The following IL10RA variants were observed in gnomAD, a reference collection of about 807,000 sequenced individuals.
IL10RA encodes interleukin-10 receptor subunit alpha.
IL10RA carries 18 observed loss-of-function variants against 29.6 expected under a neutral mutation model. The ratio of observed to expected loss-of-function variants is 0.61; its 90% CI spans 0.42 to 0.90. The LOEUF (loss-of-function observed/expected upper bound fraction) is 0.90. IL10RA is among the 40% of genes least tolerant of loss of function. The pLI is 0.00. For missense variants in IL10RA, 634 were observed against 716.6 expected, an observed-to-expected ratio of 0.88 and a Z score of 1.32; for synonymous variants, 292 against 294.1, an observed-to-expected ratio of 0.99 and a Z score of 0.07.
chr11:117,999,423 G>T lies in IL10RA; in HGVS notation c.1519G>T (p.Ala507Ser). The stretch of plus-strand genomic sequence containing the variant: ...ACAGGATCCTCTAGAAATGACTCTG[G>T]CTTCCTCAGGGGCCCCAACGGGACA... ...LKQDPLEMTL[A>S]SSGAPTGQWN... Residue 507 changes from alanine (A) to serine (S), a missense_variant, in exon 7 of 7, where the codon GCT becomes TCT. Transcript: ENST00000227752. The T allele has an allele frequency of 6.2e-7, 1 of 1,614,218 alleles. No individual in the cohort carries two copies. The highest frequency in any genetic ancestry group is 8.5e-7 in the Non-Finnish European group (1 of 1,180,034).
rs1250336959 is a variant in IL10RA, at chr11:117,999,783, C to T, written c.*142C>T. ...CCACTGGGGCTGGCCCCAGCCAGGC[C>T]CTGCAGGGCTGGTCAGGGTGTCTGG... On this transcript the variant is annotated 3_prime_UTR_variant, in exon 7 of 7. Coordinates refer to ENST00000227752, the MANE Select transcript of IL10RA (RefSeq NM_001558.4). The T allele has an allele frequency of 3.9e-6, 3 of 770,602 alleles. No individual in the cohort carries two copies. Among genetic ancestry groups the T allele is most frequent in the East Asian group, 5.3e-5 (2 of 37,742 alleles). The allele number at this position is 770,602 out of a possible 1,614,324, so 47.7% of individuals were successfully genotyped here.
chr11:117,989,521 C>A lies in IL10RA; in HGVS notation c.268C>A (p.Leu90Met), dbSNP rs1280106569. 6.2e-7 allele frequency: 1 copy of A among 1,614,092 alleles called. No homozygotes were observed. Among genetic ancestry groups the A allele is most frequent in the South Asian group, 1.1e-5 (1 of 91,088 alleles). ...SYDLTAVTLD[L>M]YHSNGYRARV... Reference sequence around the variant, plus strand: ...TGACCTTACCGCAGTGACCTTGGACCTGTACCACAGCAATGGCTACCGGGC... The same window carrying A: ...TGACCTTACCGCAGTGACCTTGGACATGTACCACAGCAATGGCTACCGGGC... Residue 90 changes from leucine to methionine, a missense_variant, in exon 3 of 7, where the codon CTG (leucine) becomes ATG (methionine). Transcript: ENST00000227752. This position sits in a 1 kb window ranked among gnomAD's most constrained non-coding sequence, Gnocchi z 4.5.
rs993951130 is a variant in IL10RA at position 118,000,123 on chromosome 11, T to C, written c.*482T>C. ...CTTCAGGGCCTTGCTGCTGGGGTCA[T>C]TTTTAGGGGAAAAAGGAGGATATGA... On this transcript the variant is annotated 3_prime_UTR_variant, in exon 7 of 7. Transcript: ENST00000227752. The C allele has an allele frequency of 2.2e-6, 1 of 455,050 alleles. No homozygotes were observed. Among genetic ancestry groups the C allele is most frequent in the Non-Finnish European group, 4.4e-6 (1 of 227,694 alleles). The allele number at this position is 455,050 out of a possible 1,614,324, so 28.2% of individuals were successfully genotyped here. A position where few individuals can be genotyped will look rare whatever the true frequency, so the allele number is the denominator to read the frequency against.
At chr11:117,992,684 G>C (rs1246887706) in intron 3 of IL10RA, among the ~76,000 whole-genome samples, 1 of 152,170 alleles carries the variant, frequency 6.6e-6, no homozygotes, top group Non-Finnish European at 1.5e-5. Flanking sequence ...CTGTGCAGAA[G>C]CTCTTTAGTG....
chr11:117,993,040 C>A lies in IL10RA; in HGVS notation c.368-201C>A, dbSNP rs559158702. ...GTCCATCATATTCCATTGGTTGATG[C>A]ATCTGATTTTAGGGTATATGTATTT... On this transcript the variant is annotated intron_variant, in intron 3 of 6. Coordinates refer to ENST00000227752, the MANE Select transcript of IL10RA (RefSeq NM_001558.4). 35 of 586,936 alleles carry A rather than the reference C, an allele frequency of 6.0e-5. No homozygotes were observed. The African/African-American group carries it at 6.5e-4, about 11-fold the overall frequency. The allele number at this position is 586,936 out of a possible 1,614,324, so 36.4% of individuals were successfully genotyped here.
At position 117,988,371 on chromosome 11, in the gene IL10RA, C is replaced by G. The variant is rs1227482523; in HGVS notation, c.68-11C>G. 1 of 1,614,016 alleles carries G rather than the reference C, an allele frequency of 6.2e-7. No homozygotes were observed. Among genetic ancestry groups the G allele is most frequent in the East Asian group, 2.2e-5 (1 of 44,892 alleles). On this transcript the variant is annotated splice_polypyrimidine_tract_variant and intron_variant, in intron 1 of 6. Coordinates refer to ENST00000227752, the MANE Select transcript of IL10RA (RefSeq NM_001558.4). Reference sequence around the variant, plus strand: ...CCCTCCCAGCTGTGGTACTGACACTCTTCTCCCCAGGGACAGAGCTGCCCA... The same window carrying G: ...CCCTCCCAGCTGTGGTACTGACACTGTTCTCCCCAGGGACAGAGCTGCCCA...
intron 3 of IL10RA, 37 bp from the exon 4 acceptor site, chr11:117,993,204 G>A (rs2058034648): frequency 6.2e-7 from 1 of 1,602,724 alleles, no homozygotes; most frequent in South Asian, 1.1e-5. Flanking sequence ...CAGCCCTCAA[G>A]TCTCATGGTA....
At position 117,986,398 on chromosome 11, in the gene IL10RA, C is replaced by T. The variant is rs185159635; in HGVS notation, c.-70C>T. The stretch of plus-strand genomic sequence containing the variant: ...GGAGCGGGCGGCGGAGCTGTCAGTC[C>T]CAGCCCAAGGGTAGCTGGAGGCGCG... On this transcript the variant is annotated 5_prime_UTR_variant, in exon 1 of 7. Transcript: ENST00000227752. 550 of 1,460,996 alleles carry T rather than the reference C, an allele frequency of 3.8e-4. 4 individuals carry two copies. The East Asian group carries it at 7.8e-3, about 21-fold the overall frequency. 90.5% of individuals were successfully genotyped at this position (1,460,996 alleles called of 1,614,324 possible). A position where few individuals can be genotyped will look rare whatever the true frequency, so the allele number is the denominator to read the frequency against.
chr11:117,995,138 T>C lies in IL10RA; in HGVS notation c.689-451T>C, dbSNP rs2058047836. 13 of 212,776 alleles carry C rather than the reference T, an allele frequency of 6.1e-5. No individual in the cohort carries two copies. In the South Asian group the frequency reaches 9.2e-4, roughly 15 times the overall value. 13.2% of individuals were successfully genotyped at this position (212,776 alleles called of 1,614,324 possible). A position where few individuals can be genotyped will look rare whatever the true frequency, so the allele number is the denominator to read the frequency against. ...AAGTATAAAAGTTAAAAGAATCTGATGGTATTGGTACATGGTCAGTGCTGT... is the reference window on the plus strand; with the variant it reads ...AAGTATAAAAGTTAAAAGAATCTGACGGTATTGGTACATGGTCAGTGCTGT... On this transcript the variant is annotated intron_variant, in intron 5 of 6. Transcript: ENST00000227752.
At chr11:117,998,540 G>T (rs1407123844) in intron 6 of IL10RA, among the ~76,000 whole-genome samples, 175 bp from the exon 7 acceptor site, 1 of 152,218 alleles carries the variant, frequency 6.6e-6, no homozygotes, top group East Asian at 1.9e-4. Context: ...GCCAAACTGG[G>T]AATTGCATTA....
chr11:117,995,598 T>G lies in IL10RA; in HGVS notation c.698T>G (p.Val233Gly), dbSNP rs138929400. 2,956 of 1,614,212 alleles carry G rather than the reference T, an allele frequency of 1.8e-3. No individual in the cohort carries two copies. Among genetic ancestry groups the G allele is most frequent in the Non-Finnish European group, 2.3e-3 (2,731 of 1,180,034 alleles). ...CTCTCTGGGCCTGCAGATTTCACCGTGACCAACGTCATCATCTTCTTTGCC... is the reference window on the plus strand; with the variant it reads ...CTCTCTGGGCCTGCAGATTTCACCGGGACCAACGTCATCATCTTCTTTGCC... ...CISLTRQYFTVTNVIIFFAFV... is the reference protein window; with the variant it reads ...CISLTRQYFTGTNVIIFFAFV... The change falls in exon 6 of 7, where the codon GTG becomes GGG. Residue 233 changes from valine to glycine, a missense_variant. Coordinates refer to ENST00000227752, the MANE Select transcript of IL10RA (RefSeq NM_001558.4).
In IL10RA at chr11:117,999,188, G is replaced by A. The variant is rs543841858; in HGVS notation, c.1284G>A (p.Pro428=). 37 of 1,614,222 alleles carry A rather than the reference G, an allele frequency of 2.3e-5. No homozygotes were observed. The highest frequency in any genetic ancestry group is 6.7e-5 in the East Asian group (3 of 44,874). The change falls in exon 7 of 7, where the codon CCG becomes CCA. Residue 428 remains proline (P), a synonymous_variant. Transcript: ENST00000227752. ...GGSALGHHSP[P]EPEVPGEEDP... ...CGGCCTTGGGCCACCACAGTCCCCC[G>A]GAGCCTGAGGTGCCTGGGGAAGAAG...
At chr11:117,986,634 G>A in intron 1 of IL10RA, 100 bp downstream of exon 1, 1 of 1,540,850 alleles carries the variant, frequency 6.5e-7, no homozygotes, top group Non-Finnish European at 8.7e-7. Context: ...CTGGCCCTCT[G>A]GCAGAGCGGT....
chr11:117,989,624 C>T lies in IL10RA; in HGVS notation c.367+4C>T, dbSNP rs768106799. ...ACCCGCTTCTCTGTGGATGAAGGTG[C>T]TTTTCCTCCCTTGACTTAGAACATG... On this transcript the variant is annotated splice_donor_region_variant and intron_variant, in intron 3 of 6. Coordinates refer to ENST00000227752, the MANE Select transcript of IL10RA (RefSeq NM_001558.4). The surrounding 1 kb of genome is among the most constrained non-coding windows in gnomAD (Gnocchi z 4.5). 3.1e-6 allele frequency: 5 copies of T among 1,613,380 alleles called. No homozygotes were observed. The South Asian group carries it at 4.4e-5, about 14-fold the overall frequency.
At position 117,989,490 on chromosome 11, in the gene IL10RA, G is replaced by C. The variant is rs1409056726; in HGVS notation, c.237G>C (p.Leu79=). ...WNSISNCSQT[L]SYDLTAVTLD... ...CCATCTCCAACTGTAGCCAGACCCT[G>C]TCCTATGACCTTACCGCAGTGACCT... Residue 79 remains leucine (L), a synonymous_variant, in exon 3 of 7, where the codon CTG becomes CTC. Transcript: ENST00000227752. This position sits in a 1 kb window ranked among gnomAD's most constrained non-coding sequence, Gnocchi z 4.5. 6.2e-7 allele frequency: 1 copy of C among 1,614,200 alleles called. No individual in the cohort carries two copies. Among genetic ancestry groups the C allele is most frequent in the Non-Finnish European group, 8.5e-7 (1 of 1,180,028 alleles).
Position 117,999,687 on chromosome 11 carries a change from T to C in IL10RA, c.*46T>C. 1.3e-6 allele frequency: 2 copies of C among 1,530,736 alleles called. No individual in the cohort carries two copies. Among genetic ancestry groups the C allele is most frequent in the Non-Finnish European group, 1.8e-6 (2 of 1,106,964 alleles). The allele number at this position is 1,530,736 out of a possible 1,614,324, so 94.8% of individuals were successfully genotyped here. The stretch of plus-strand genomic sequence containing the variant: ...TTGATTTTAGCCATGCCTGCTCCTC[T>C]GCCTGGACCAGGAGGAGGGCCCCTG... On this transcript the variant is annotated 3_prime_UTR_variant, in exon 7 of 7. Coordinates refer to ENST00000227752, the MANE Select transcript of IL10RA (RefSeq NM_001558.4).
intron 6 of IL10RA, 126 bp from the exon 7 acceptor site, chr11:117,998,589 C>A: frequency 1.3e-6 from 1 of 799,852 alleles, no homozygotes; most frequent in Non-Finnish European, 2.1e-6. Flanking sequence ...AGAATACATT[C>A]CAGTGTAATT....
At position 118,000,397 on chromosome 11, in the gene IL10RA, T is replaced by G. The variant is rs188436763; in HGVS notation, c.*756T>G. The G allele has an allele frequency of 1.1e-5, 5 of 454,226 alleles. No individual in the cohort carries two copies. The highest frequency in any genetic ancestry group is 7.8e-5 in the South Asian group (5 of 64,474). The allele number at this position is 454,226 out of a possible 1,614,324, so 28.1% of individuals were successfully genotyped here. A position where few individuals can be genotyped will look rare whatever the true frequency, so the allele number is the denominator to read the frequency against. ...TGGAGTAGCATCCCCCTGGGGCACT[T>G]GCTGAGGCCAAGCCACTCACATCCT... On this transcript the variant is annotated 3_prime_UTR_variant, in exon 7 of 7. Coordinates refer to ENST00000227752, the MANE Select transcript of IL10RA (RefSeq NM_001558.4).
chr11:117,996,868 C>T (rs534181008), intron 6 of IL10RA, among the ~76,000 whole-genome samples: 27 of 152,364 alleles, frequency 1.8e-4, no homozygotes, highest in African/African-American at 6.3e-4. Flanking sequence ...TAGGCATGAG[C>T]CACCGCACCC....
Sources: allele counts gnomAD v4.1 joint callset (sites outside exome capture counted in the v4.1 genomes callset), GRCh38; gene constraint gnomAD v4.1.1; non-coding constraint Gnocchi (gnomAD v3.1); transcripts MANE v1.5; gene names NCBI Gene and HGNC (gene_info 2026-07-23, HGNC 2026-07-21).